The following DIAPH3 variants were observed in gnomAD, a reference collection of about 807,000 sequenced individuals.
DIAPH3 encodes the protein diaphanous related formin 3.
A neutral mutation model predicts 144.3 loss-of-function variants in DIAPH3; 117 were observed. The observed-to-expected ratio is 0.81, with a 90% CI of 0.70 to 0.95. DIAPH3 has a LOEUF of 0.95. Ranked by LOEUF, DIAPH3 falls within the 40% of genes least tolerant of loss-of-function variation. The pLI, the probability that DIAPH3 is intolerant of heterozygous loss-of-function variation, is 0.00. For synonymous variants in DIAPH3, 519 were observed against 488.9 expected, an observed-to-expected ratio of 1.06 and a Z score of -0.81; for missense variants, 1,421 against 1,412.7, an observed-to-expected ratio of 1.01 and a Z score of -0.09.
chr13:59,916,340 T>C (rs1355842261), intron 18 of DIAPH3, 91 bp from the exon 19 acceptor site: 1 of 991,840 alleles, frequency 1.0e-6, no homozygotes, highest in East Asian at 2.7e-5. Flanking sequence ...AAAAATAAAT[T>C]CATAAAACAA....
chr13:59,882,702 T>C (rs973750939), intron 20 of DIAPH3, among the ~76,000 whole-genome samples: 5 of 152,170 alleles, frequency 3.3e-5, no homozygotes, highest in Admixed American at 3.3e-4. Context: ...AAACATAAAA[T>C]GTAAGCTAGT....
At chr13:59,873,616 A>G (rs2044413492) in intron 21 of DIAPH3, among the ~76,000 whole-genome samples, 1 of 151,914 alleles carries the variant, frequency 6.6e-6, no homozygotes, top group African/African-American at 2.4e-5. Context: ...TTTTCAGAGT[A>G]ATGTTTAGCT....
At chr13:59,912,233 G>A (rs993678615) in intron 19 of DIAPH3, among the ~76,000 whole-genome samples, 2 of 152,042 alleles carry the variant, frequency 1.3e-5, no homozygotes, top group African/African-American at 4.8e-5. Context: ...TTCACTCAGG[G>A]GGATAAAAGA....
intron 27 of DIAPH3, among the ~76,000 whole-genome samples, chr13:59,727,179 C>T (rs1053005666): frequency 6.6e-6 from 1 of 152,092 alleles, no homozygotes; most frequent in African/African-American, 2.4e-5. Context: ...GTTTACTCTC[C>T]CCTGACAACA....
At chr13:59,882,916 C>T (rs1157377768) in intron 20 of DIAPH3, among the ~76,000 whole-genome samples, 1 of 151,100 alleles carries the variant, frequency 6.6e-6, no homozygotes, top group East Asian at 1.9e-4. Flanking sequence ...ACTCCTGTAA[C>T]CCCCCCACAC....
intron 2 of DIAPH3, among the ~76,000 whole-genome samples, chr13:60,124,310 C>A (rs1382480816): frequency 6.6e-6 from 1 of 152,182 alleles, no homozygotes; most frequent in African/African-American, 2.4e-5. Flanking sequence ...AAGCCTGTAT[C>A]TATATCTGGG....
chr13:59,918,177 TC>T (rs1458570664), intron 18 of DIAPH3, among the ~76,000 whole-genome samples: 1 of 136,010 alleles, frequency 7.4e-6, no homozygotes, highest in Admixed American at 8.0e-5. Context: ...ATCACCCGTA[TC>T]AATCCATCCA....
intron 20 of DIAPH3, among the ~76,000 whole-genome samples, chr13:59,895,895 T>G (rs1302898958): frequency 6.6e-6 from 1 of 152,186 alleles, no homozygotes; most frequent in Non-Finnish European, 1.5e-5. Flanking sequence ...CCCATTTGGG[T>G]CTTTTATTTC....
rs572641676 is a variant in DIAPH3 at position 59,781,299 on chromosome 13, G to A, written c.3164-6476C>T. ...AAATTCTGAAGCGAAATTATTTCCAGTGAAGAAATGATTATGTTGCTAATC... is the reference window on the plus strand; with the variant it reads ...AAATTCTGAAGCGAAATTATTTCCAATGAAGAAATGATTATGTTGCTAATC... On this transcript the variant is annotated intron_variant, in intron 25 of 27. Transcript: ENST00000400324. Among the ~76,000 whole-genome samples the A allele has an allele frequency of 7.9e-5, 12 of 152,322 alleles. No individual in the cohort carries two copies. The South Asian group carries it at 2.5e-3, about 32-fold the overall frequency.
intron 4 of DIAPH3, among the ~76,000 whole-genome samples, chr13:60,074,226 C>T (rs2141366430): frequency 6.6e-6 from 1 of 152,302 alleles, no homozygotes; most frequent in East Asian, 1.9e-4. Flanking sequence ...CCATATATCA[C>T]ATTGTACTCC....
At chr13:60,004,955 A>G (rs1378228831) in intron 9 of DIAPH3, among the ~76,000 whole-genome samples, 1 of 152,232 alleles carries the variant, frequency 6.6e-6, no homozygotes, top group Non-Finnish European at 1.5e-5. Context: ...CGTGACTTCC[A>G]TAACTACGGA....
intron 4 of DIAPH3, among the ~76,000 whole-genome samples, chr13:60,081,118 T>C (rs2057544746): frequency 6.6e-6 from 1 of 151,846 alleles, no homozygotes; most frequent in Non-Finnish European, 1.5e-5. Context: ...TTTATAGACA[T>C]ATACAAGCAG....
At position 60,136,662 on chromosome 13, in the gene DIAPH3, G is replaced by A. The variant is rs1277999795; in HGVS notation, c.181-3673C>T. ...TAAATTATAAACAATTCTGCCGGGC[G>A]CGGCGGCTCACGCCTGTAATCCCAG... On this transcript the variant is annotated intron_variant, in intron 1 of 27. Coordinates refer to ENST00000400324, the MANE Select transcript of DIAPH3 (RefSeq NM_001042517.2). Among the ~76,000 whole-genome samples, 6 of 152,102 alleles carry A rather than the reference G, an allele frequency of 3.9e-5. 1 individual carries two copies. Among genetic ancestry groups the A allele is most frequent in the South Asian group, 4.1e-4 (2 of 4,826 alleles).
intron 1 of DIAPH3, among the ~76,000 whole-genome samples, chr13:60,162,533 C>T (rs970079316): frequency 1.3e-5 from 2 of 152,036 alleles, no homozygotes; most frequent in Admixed American, 6.6e-5. Flanking sequence ...TTCCTATGAC[C>T]ATTTTGATAC....
chr13:60,048,317 T>C (rs1490870406), intron 4 of DIAPH3, among the ~76,000 whole-genome samples: 4 of 152,198 alleles, frequency 2.6e-5, no homozygotes, highest in Non-Finnish European at 5.9e-5. Context: ...CTCCCAATGA[T>C]ACATTTCATA....
At chr13:59,913,903 A>C (rs1325112243) in intron 19 of DIAPH3, among the ~76,000 whole-genome samples, 1 of 152,174 alleles carries the variant, frequency 6.6e-6, no homozygotes, top group African/African-American at 2.4e-5. Flanking sequence ...GGTTGCAGTA[A>C]GCCGAGATCG....
At chr13:59,774,310 C>A (rs1184250924) in intron 26 of DIAPH3, 62 bp from the exon 27 acceptor site, 1 of 1,337,598 alleles carries the variant, frequency 7.5e-7, no homozygotes, top group East Asian at 2.5e-5. Context: ...AGAAGGAAAA[C>A]AGTATTAGAC....
At chr13:60,080,213 A>G (rs2137798778) in intron 4 of DIAPH3, among the ~76,000 whole-genome samples, 1 of 152,064 alleles carries the variant, frequency 6.6e-6, no homozygotes, top group East Asian at 1.9e-4. Context: ...CCTTCAAACA[A>G]TATTTCAGTG....
intron 17 of DIAPH3, among the ~76,000 whole-genome samples, chr13:59,968,146 T>G (rs1389247882): frequency 2.0e-5 from 3 of 152,214 alleles, no homozygotes; most frequent in Non-Finnish European, 2.9e-5. Flanking sequence ...AGGCTAAAGT[T>G]AGATGACTTA....
Sources: gnomAD v4.1 joint callset for allele counts (sites outside exome capture counted in the v4.1 genomes callset) on GRCh38, gnomAD v4.1.1 for gene constraint, MANE v1.5 for transcripts, NCBI Gene and HGNC (gene_info 2026-07-23, HGNC 2026-07-21) for gene names.